The following MGAM variants were observed in gnomAD, a reference collection of about 807,000 sequenced individuals.
MGAM encodes alpha-1,4-glucosidase.
In MGAM, 253 loss-of-function variants were observed where a neutral mutation model predicts 358.8. The observed-to-expected ratio is 0.71, with a 90% CI of 0.64 to 0.78. MGAM has a LOEUF of 0.78. Ranked by LOEUF, MGAM falls within the 30% of genes least tolerant of loss-of-function variation. MGAM has a pLI of 0.00. For missense variants in MGAM, 3,080 were observed against 3,432.6 expected, an observed-to-expected ratio of 0.90 and a Z score of 2.57; for synonymous variants, 1,105 against 1,227.1, an observed-to-expected ratio of 0.90 and a Z score of 2.08.
rs773000464 is a variant in MGAM at position 142,071,123 on chromosome 7, A to G, written c.5186+5A>G. ...TGCACTGAACACCCACTTAAGGTGA[A>G]TGACAGGACTCAGGTTTTCCTTTAC... On this transcript the variant is annotated splice_donor_5th_base_variant and intron_variant, in intron 44 of 70. Transcript: ENST00000475668. 1.2e-5 allele frequency: 19 copies of G among 1,550,144 alleles called. 4 individuals carry two copies. The highest frequency in any genetic ancestry group is 4.0e-5 in the African/African-American group (3 of 74,514).
Position 142,065,353 on chromosome 7 carries a change from G to A in MGAM, c.4503G>A (p.Thr1501=), listed in dbSNP as rs3087321. ...CAAGCAGAGCCGTGCAGGAGGTGAC[G>A]GGACAGCGAGGGGTCGTCATCACCC... ...RPTYEAVQEV[T]GQRGVVITRS... is the part of the protein sequence containing the mutation. The change falls in exon 38 of 71, where the codon ACG becomes ACA. Residue 1501 remains threonine, a synonymous_variant. Coordinates refer to ENST00000475668, the MANE Select transcript of MGAM (RefSeq NM_001365693.1). The A allele has an allele frequency of 2.9e-3, 4,709 of 1,609,538 alleles. 23 individuals are homozygous for A. Among genetic ancestry groups the A allele is most frequent in the South Asian group, 7.9e-3 (713 of 89,956 alleles).
chr7:142,043,532 G>A (rs1380430971), intron 21 of MGAM, among the ~76,000 whole-genome samples: 1 of 98,594 alleles, frequency 1.0e-5, no homozygotes, highest in African/African-American at 4.2e-5. Flanking sequence ...AATATAATAT[G>A]AATTATATAG....
intron 21 of MGAM, among the ~76,000 whole-genome samples, chr7:142,047,566 A>G (rs1241484121): frequency 1.3e-5 from 2 of 152,148 alleles, no homozygotes; most frequent in Non-Finnish European, 2.9e-5. Context: ...TGCCTCTAAC[A>G]TAGATGTTAT....
At chr7:142,097,156 C>G (rs747219429) in intron 65 of MGAM, among the ~76,000 whole-genome samples, 8 of 151,878 alleles carry the variant, frequency 5.3e-5, no homozygotes, top group Admixed American at 2.0e-4. Flanking sequence ...TCAGGATGGT[C>G]TTGATCTCCT....
At chr7:142,045,643 ATATAT>A (rs1391285371) in intron 21 of MGAM, among the ~76,000 whole-genome samples, 2 of 106,458 alleles carry the variant, frequency 1.9e-5, no homozygotes, top group Non-Finnish European at 3.5e-5. Context: ...AATATATAAT[ATATAT>A]TATATACATA....
chr7:141,995,245 C>CAAAAA (rs60373445), upstream of MGAM, among the ~76,000 whole-genome samples: 1 of 134,262 alleles, frequency 7.4e-6, no homozygotes, highest in Non-Finnish European at 1.7e-5. Flanking sequence ...AAAAGCCAAC[C>CAAAAA]AAAAAAAAAA....
At position 142,089,034 on chromosome 7, in the gene MGAM, A is replaced by G. The variant is rs1164221872; in HGVS notation, c.6810+2317A>G. ...TATCTATCTATCTATCTATCTATCT[A>G]TACTGTTCAAGGGAGAAGACCTAGC... On this transcript the variant is annotated intron_variant, in intron 57 of 70. Coordinates refer to ENST00000475668, the MANE Select transcript of MGAM (RefSeq NM_001365693.1). 2.9e-5 allele frequency among the ~76,000 whole-genome samples: 4 copies of G among 139,284 alleles called. 1 individual carries two copies. 91.4% of individuals were successfully genotyped at this position (139,284 alleles called of 152,430 possible).
At chr7:142,028,495 C>A (rs76238540) in intron 10 of MGAM, among the ~76,000 whole-genome samples, 499 of 152,126 alleles carry the variant, frequency 3.3e-3, no homozygotes, top group Middle Eastern at 0.01. Context: ...ATGACCAAGA[C>A]CACATAGGTA....
rs1307468546 is a variant in MGAM at position 142,078,545 on chromosome 7, C to T, written c.5646+75C>T. The T allele has an allele frequency of 6.7e-6, 9 of 1,340,170 alleles. No homozygotes were observed. The South Asian group carries it at 7.1e-5, about 11-fold the overall frequency. The allele number at this position is 1,340,170 out of a possible 1,614,324, so 83.0% of individuals were successfully genotyped here. ...TATAGTTTCTTAAGCATAGCAGTGG[C>T]ACTTATATAACTACTTAAAATCCAT... On this transcript the variant is annotated intron_variant, in intron 48 of 70. Transcript: ENST00000475668.
chr7:142,079,363 A>G (rs1360977827), intron 49 of MGAM, among the ~76,000 whole-genome samples: 1 of 145,542 alleles, frequency 6.9e-6, no homozygotes, highest in African/African-American at 2.4e-5. Flanking sequence ...GTTGGGTTAC[A>G]GGGTCTGGTG....
chr7:142,044,330 T>A (rs1308400865), intron 21 of MGAM, among the ~76,000 whole-genome samples: 2 of 140,394 alleles, frequency 1.4e-5, no homozygotes, highest in African/African-American at 5.1e-5. Context: ...CGATATATAA[T>A]ATATAATATA....
At chr7:142,060,943 C>G (rs188401064) in intron 34 of MGAM, among the ~76,000 whole-genome samples, 36 of 151,770 alleles carry the variant, frequency 2.4e-4, no homozygotes, top group South Asian at 6.3e-4. Flanking sequence ...TATTGTAAAA[C>G]TTGCTCTCTC....
chr7:142,044,185 GACATATA>G lies in MGAM; in HGVS notation c.2498+3341_2498+3347del, dbSNP rs1324809987. On this transcript the variant is annotated intron_variant, in intron 21 of 70. Transcript: ENST00000475668. ...TAATATATACATTATATACACATACGACATATAATATATAATATATACATTATATACA... is the reference window on the plus strand; with the variant it reads ...TAATATATACATTATATACACATACGATATATAATATATACATTATATACA... 4.0e-3 allele frequency among the ~76,000 whole-genome samples: 510 copies of G among 126,328 alleles called. 11 individuals are homozygous for G. The highest frequency in any genetic ancestry group is 6.6e-3 in the Non-Finnish European group (403 of 61,030). 82.9% of individuals were successfully genotyped at this position (126,328 alleles called of 152,430 possible). A position where few individuals can be genotyped will look rare whatever the true frequency, so the allele number is the denominator to read the frequency against.
Position 142,100,791 on chromosome 7 carries a change from G to A in MGAM, c.7875-11G>A. The A allele has an allele frequency of 6.2e-7, 1 of 1,606,346 alleles. No individual in the cohort carries two copies. Among genetic ancestry groups the A allele is most frequent in the Non-Finnish European group, 8.5e-7 (1 of 1,176,232 alleles). On this transcript the variant is annotated splice_polypyrimidine_tract_variant and intron_variant, in intron 67 of 70. Coordinates refer to ENST00000475668, the MANE Select transcript of MGAM (RefSeq NM_001365693.1). Reference sequence around the variant, plus strand: ...ACTTTTAGCTAATGCCTCTCTGCCTGCTCACTGCAGCCGCCAGAAATTCAT... The same window carrying A: ...ACTTTTAGCTAATGCCTCTCTGCCTACTCACTGCAGCCGCCAGAAATTCAT...
intron 13 of MGAM, among the ~76,000 whole-genome samples, chr7:142,032,609 G>T (rs553158262): frequency 2.0e-5 from 3 of 152,006 alleles, no homozygotes; most frequent in African/African-American, 7.2e-5. Flanking sequence ...CATTTTCAGC[G>T]ATTATAGACA....
intron 3 of MGAM, among the ~76,000 whole-genome samples, chr7:142,012,431 G>A (rs1805669838): frequency 6.6e-6 from 1 of 152,028 alleles, no homozygotes; most frequent in African/African-American, 2.4e-5. Context: ...GAGGCTTCAT[G>A]GCCTAATCAC....
At chr7:142,047,937 T>C in intron 22 of MGAM, 64 bp downstream of exon 22, 1 of 1,220,530 alleles carries the variant, frequency 8.2e-7, no homozygotes, top group Non-Finnish European at 1.2e-6. Context: ...GGTCCTTCAC[T>C]CCTGCTGGTC....
Position 142,070,036 on chromosome 7 carries a change from A to G in MGAM, c.5062-958A>G, listed in dbSNP as rs1158551434. On this transcript the variant is annotated intron_variant, in intron 43 of 70. Coordinates refer to ENST00000475668, the MANE Select transcript of MGAM (RefSeq NM_001365693.1). Reference sequence around the variant, plus strand: ...GTGAAACCCCATCTCTATGAAAAATAAAAACAATTAGCCGGGTGTAGGGGC... The same window carrying G: ...GTGAAACCCCATCTCTATGAAAAATGAAAACAATTAGCCGGGTGTAGGGGC... Among the ~76,000 whole-genome samples the G allele has an allele frequency of 6.2e-5, 9 of 144,574 alleles. 1 individual carries two copies. The highest frequency in any genetic ancestry group is 2.2e-4 in the African/African-American group (9 of 40,882). 94.8% of individuals were successfully genotyped at this position (144,574 alleles called of 152,430 possible).
chr7:142,091,224 G>C (rs1815355805), intron 57 of MGAM, among the ~76,000 whole-genome samples: 1 of 139,404 alleles, frequency 7.2e-6, no homozygotes, highest in Admixed American at 7.4e-5. Context: ...TCTAGCCTGG[G>C]TGGGTGACAG....
Sources: gnomAD v4.1 joint callset for allele counts (sites outside exome capture counted in the v4.1 genomes callset) on GRCh38, gnomAD v4.1.1 for gene constraint, MANE v1.5 for transcripts, NCBI Gene and HGNC (gene_info 2026-07-23, HGNC 2026-07-21) for gene names.